ETNK1: variants seen among roughly 807,000 people sequenced by gnomAD.
ETNK1 encodes the protein putative protein product of Nbla10396.
In ETNK1, 8 loss-of-function variants were observed where a neutral mutation model predicts 45.1. The ratio of observed to expected loss-of-function variants is 0.18; its 90% confidence interval spans 0.10 to 0.32. ETNK1 has a LOEUF of 0.32. ETNK1 is among the 10% of genes least tolerant of loss of function. The pLI, the probability that ETNK1 is intolerant of heterozygous loss-of-function variation, is 1.00. For missense variants in ETNK1, 302 were observed against 430.6 expected (o/e 0.70, Z 2.64); for synonymous variants, 152 against 151.9 (o/e 1.00, Z -0.01).
Position 22,651,339 on chromosome 12 carries a change from C to T in ETNK1, c.416+7317C>T, listed in dbSNP as rs554987323. On this transcript the variant is annotated intron_variant, in intron 2 of 7. Transcript: ENST00000266517. ...CAAAGAAAAGGGAAGATGAAGGCTC[C>T]GTTGTGAACATACCTGACTTCCAGG... 7.9e-4 allele frequency among the ~76,000 whole-genome samples: 120 copies of T among 152,278 alleles called. 1 individual carries two copies. The highest frequency in any genetic ancestry group is 2.6e-3 in the African/African-American group (109 of 41,564).
intron 1 of ETNK1, among the ~76,000 whole-genome samples, chr12:22,630,610 T>G (rs1454755893): frequency 6.6e-6 from 1 of 152,022 alleles, no homozygotes; most frequent in Non-Finnish European, 1.5e-5. Context: ...GTATTTTATT[T>G]TATTTTATTT....
chr12:22,643,789 A>T lies in ETNK1; in HGVS notation c.183A>T (p.Lys61Asn). 2 of 1,612,008 alleles carry T rather than the reference A, an allele frequency of 1.2e-6. No homozygotes were observed. Among genetic ancestry groups the T allele is most frequent in the Non-Finnish European group, 1.7e-6 (2 of 1,178,774 alleles). The change falls in exon 2 of 8, where the codon AAA (lysine) becomes AAT (asparagine). Residue 61 changes from lysine (K) to asparagine (N), a missense_variant. Physicochemically the swap from Lys to Asn is moderately conservative, Grantham distance 94 (BLOSUM62 0). Around this residue, in one of 3 missense-constraint regions of ETNK1, gnomAD observed 205 missense variants for 259.9 expected, o/e 0.79. Coordinates refer to ENST00000266517, the MANE Select transcript of ETNK1 (RefSeq NM_018638.5). ...LQLFTDGITNKLIGCYVGNTM... is the reference protein window; with the variant it reads ...LQLFTDGITNNLIGCYVGNTM... ...TCTTCACAGATGGAATCACAAATAA[A>T]CTTATTGGCTGTTACGTGGGAAACA...
intron 2 of ETNK1, among the ~76,000 whole-genome samples, chr12:22,648,711 A>T (rs1953837675): frequency 6.6e-6 from 1 of 152,074 alleles, no homozygotes; most frequent in Non-Finnish European, 1.5e-5. Context: ...AGACATACAA[A>T]TTTTTAACTC....
intron 6 of ETNK1, among the ~76,000 whole-genome samples, chr12:22,683,638 A>T (rs1822519449): frequency 6.6e-6 from 1 of 152,110 alleles, no homozygotes; most frequent in South Asian, 2.1e-4. Context: ...CTTGTAATTC[A>T]AATTAAGAAT....
chr12:22,644,201 A>G lies in ETNK1; in HGVS notation c.416+179A>G, dbSNP rs562865168. 1.3e-5 allele frequency: 21 copies of G among 1,582,424 alleles called. No homozygotes were observed. In the African/African-American group the frequency reaches 2.7e-4, roughly 21 times the overall value. ...TAAAAAGATAGAAGTAAATTTCTTT[A>G]TATTTGCAGTTTATCATCGTTGACT... On this transcript the variant is annotated intron_variant, in intron 2 of 7. Coordinates refer to ENST00000266517, the MANE Select transcript of ETNK1 (RefSeq NM_018638.5).
At chr12:22,681,559 C>G (rs1954215969) in intron 6 of ETNK1, among the ~76,000 whole-genome samples, 1 of 151,808 alleles carries the variant, frequency 6.6e-6, no homozygotes, top group Non-Finnish European at 1.5e-5. Flanking sequence ...TTGAAGACCT[C>G]TACAAGCTTT....
rs201082463 is a variant in ETNK1 at position 22,644,220 on chromosome 12, G to A, written c.416+198G>A. ...TTCTTTATATTTGCAGTTTATCATC[G>A]TTGACTCTTTGCAAAGGAAAAACTA... is the stretch of plus-strand genomic sequence containing the variant. On this transcript the variant is annotated intron_variant, in intron 2 of 7. Transcript: ENST00000266517. The A allele has an allele frequency of 5.6e-5, 89 of 1,602,790 alleles. No individual in the cohort carries two copies. The Middle Eastern group carries it at 6.7e-4, about 12-fold the overall frequency.
Position 22,688,043 on chromosome 12 carries a change from A to G in ETNK1, c.*3089A>G, listed in dbSNP as rs1420950226. ...ATTCCTGGAAGCAGTGAATTTATAC[A>G]CTGTTATATTAATAGAGCTCCGTTC... On this transcript the variant is annotated 3_prime_UTR_variant, in exon 8 of 8. Transcript: ENST00000266517. 2.0e-5 allele frequency: 3 copies of G among 152,278 alleles called. No homozygotes were observed. The highest frequency in any genetic ancestry group is 7.2e-5 in the African/African-American group (3 of 41,418). The allele number at this position is 152,278 out of a possible 1,614,324, so 9.4% of individuals were successfully genotyped here.
At chr12:22,646,875 G>GA (rs1213958250) in intron 2 of ETNK1, among the ~76,000 whole-genome samples, 42 of 151,914 alleles carry the variant, frequency 2.8e-4, no homozygotes, top group Middle Eastern at 3.4e-3. Context: ...AACCTTGAGG[G>GA]AAAAATAACC....
chr12:22,658,950 TG>T lies in ETNK1; in HGVS notation c.417-63del, dbSNP rs1242931815. On this transcript the variant is annotated intron_variant, in intron 2 of 7. Coordinates refer to ENST00000266517, the MANE Select transcript of ETNK1 (RefSeq NM_018638.5). ...TGACTAAAGTTTCATCAAGAATCTTTGTCAGGAGACATGACCTTTATGATAC... is the reference window on the plus strand; with the variant it reads ...TGACTAAAGTTTCATCAAGAATCTTTTCAGGAGACATGACCTTTATGATAC... 6 of 1,512,796 alleles carry T rather than the reference TG, an allele frequency of 4.0e-6. No homozygotes were observed. The African/African-American group carries it at 8.3e-5, about 21-fold the overall frequency. 93.7% of individuals were successfully genotyped at this position (1,512,796 alleles called of 1,614,324 possible). A position where few individuals can be genotyped will look rare whatever the true frequency, so the allele number is the denominator to read the frequency against.
chr12:22,645,521 C>A (rs1379818228), intron 2 of ETNK1, among the ~76,000 whole-genome samples: 2 of 151,756 alleles, frequency 1.3e-5, no homozygotes, highest in Non-Finnish European at 3.0e-5. Flanking sequence ...CTTATTATTT[C>A]TTTCCCAAAT....
rs1954293356 is a variant in ETNK1, at chr12:22,690,314, TAC to T, written c.*5361_*5362del. On this transcript the variant is annotated 3_prime_UTR_variant, in exon 8 of 8. Transcript: ENST00000266517. The stretch of plus-strand genomic sequence containing the variant: ...TTGTTAATCTGTTTGATAATGAAGA[TAC>T]TTCCTGTTTTCTTGTTTCATATTTT... 6.6e-6 allele frequency: 1 copy of T among 152,648 alleles called. No homozygotes were observed. Among genetic ancestry groups the T allele is most frequent in the East Asian group, 1.9e-4 (1 of 5,190 alleles). The allele number at this position is 152,648 out of a possible 1,614,324, so 9.5% of individuals were successfully genotyped here.
chr12:22,682,404 T>G (rs867151105), intron 6 of ETNK1: 3 of 324,754 alleles, frequency 9.2e-6, no homozygotes, highest in Middle Eastern at 4.0e-4. Context: ...AACTCTAGTT[T>G]GATAACTCTA....
Position 22,625,332 on chromosome 12 carries a change from C to T in ETNK1, c.-99C>T. Reference sequence around the variant, plus strand: ...AGCGCCCCCAGCCCTCCCGCGAGGGCGCCCCGGGACGGAAGGATCCACCAG... The same window carrying T: ...AGCGCCCCCAGCCCTCCCGCGAGGGTGCCCCGGGACGGAAGGATCCACCAG... On this transcript the variant is annotated 5_prime_UTR_variant, in exon 1 of 8. Coordinates refer to ENST00000266517, the MANE Select transcript of ETNK1 (RefSeq NM_018638.5). The T allele has an allele frequency of 6.3e-7, 1 of 1,587,770 alleles. No homozygotes were observed.
chr12:22,672,032 G>T (rs1211922801), intron 5 of ETNK1, among the ~76,000 whole-genome samples: 1 of 151,808 alleles, frequency 6.6e-6, no homozygotes, highest in African/African-American at 2.4e-5. Context: ...AAAATACAGA[G>T]AACTAAGATT....
intron 2 of ETNK1, chr12:22,656,787 A>G: frequency 1.0e-6 from 1 of 983,080 alleles, no homozygotes. Context: ...TTTATTTAAA[A>G]AAACCACAGC....
chr12:22,654,387 G>A (rs1346020339), intron 2 of ETNK1, among the ~76,000 whole-genome samples: 1 of 152,200 alleles, frequency 6.6e-6, no homozygotes, highest in Admixed American at 6.5e-5. Context: ...AGAATAGGCA[G>A]TATTTTAAAT....
chr12:22,657,436 C>G (rs1953956130), intron 2 of ETNK1, among the ~76,000 whole-genome samples: 1 of 151,778 alleles, frequency 6.6e-6, no homozygotes, highest in Non-Finnish European at 1.5e-5. Flanking sequence ...ATACTGAGTT[C>G]AAACATGGGG....
At chr12:22,684,199 G>A (rs1421624510) in intron 6 of ETNK1, among the ~76,000 whole-genome samples, 1 of 152,086 alleles carries the variant, frequency 6.6e-6, no homozygotes, top group Non-Finnish European at 1.5e-5. Flanking sequence ...TATCAGTGCT[G>A]ATGGTAAACT....
Sources: gnomAD v4.1 joint callset for allele counts (sites outside exome capture counted in the v4.1 genomes callset) on GRCh38, gnomAD v4.1.1 for gene constraint, gnomAD v4.1.1 regional missense constraint, MANE v1.5 for transcripts, NCBI Gene and HGNC (gene_info 2026-07-23, HGNC 2026-07-21) for gene names.